The following ATF7IP variants were observed in gnomAD, a reference collection of about 807,000 sequenced individuals.
ATF7IP encodes activating transcription factor 7-interacting protein 1.
Under a neutral mutation model 106.4 loss-of-function variants are expected in ATF7IP, and 23 were observed. The ratio of observed to expected loss-of-function variants is 0.22; its 90% CI spans 0.16 to 0.31. The LOEUF (loss-of-function observed/expected upper bound fraction) is 0.31, where lower values mean the gene tolerates loss of function less well. ATF7IP is among the 10% of genes least tolerant of loss of function. The pLI, the probability that ATF7IP is intolerant of heterozygous loss-of-function variation, is 1.00. For synonymous variants in ATF7IP, 542 were observed against 539.0 expected (o/e 1.01, Z -0.08); for missense variants, 1,334 against 1,524.3 (o/e 0.88, Z 2.08).
At chr12:14,402,072 T>C (rs538498864) in intron 1 of ATF7IP, among the ~76,000 whole-genome samples, 4 of 151,764 alleles carry the variant, frequency 2.6e-5, no homozygotes, top group East Asian at 3.9e-4. Context: ...TTTCTTTTTT[T>C]TTTCTTTCTT....
At chr12:14,369,627 G>A (rs941269435) in intron 1 of ATF7IP, among the ~76,000 whole-genome samples, 2 of 152,164 alleles carry the variant, frequency 1.3e-5, no homozygotes. Context: ...GTGAACCACC[G>A]TGCACAGCCT....
intron 11 of ATF7IP, 52 bp from the exon 12 acceptor site, chr12:14,478,265 T>G: frequency 6.3e-7 from 1 of 1,580,982 alleles, no homozygotes; most frequent in South Asian, 1.1e-5. Context: ...GAAAGACTTG[T>G]ATTTCCTGAT....
Position 14,492,836 on chromosome 12 carries a change from G to A in ATF7IP, c.3281-3395G>A, listed in dbSNP as rs117464767. ...TTGTAGTTGAGTGACTGCAGTTCCC[G>A]CTGTTAGATCTGACATATAGAGTCG... On this transcript the variant is annotated intron_variant, in intron 13 of 14. Coordinates refer to ENST00000261168, the MANE Select transcript of ATF7IP (RefSeq NM_018179.5). Among the ~76,000 whole-genome samples, 378 of 152,080 alleles carry A rather than the reference G, an allele frequency of 2.5e-3. 2 individuals are homozygous for A. Among genetic ancestry groups the A allele is most frequent in the Non-Finnish European group, 3.8e-3 (258 of 68,004 alleles).
chr12:14,379,391 A>C (rs74782615), intron 1 of ATF7IP, among the ~76,000 whole-genome samples: 3,083 of 152,278 alleles, frequency 0.02, 33 homozygotes, highest in Middle Eastern at 0.031. Flanking sequence ...TAAACTTCTT[A>C]ATAAATTACC....
chr12:14,493,588 CT>C (rs1213460859), intron 13 of ATF7IP, among the ~76,000 whole-genome samples: 5 of 152,082 alleles, frequency 3.3e-5, no homozygotes, highest in Admixed American at 1.3e-4. Flanking sequence ...GCTGTTCTTT[CT>C]GGCAAAAAAG....
At chr12:14,420,686 G>C (rs1394727799) in intron 1 of ATF7IP, among the ~76,000 whole-genome samples, 2 of 152,170 alleles carry the variant, frequency 1.3e-5, no homozygotes, top group Non-Finnish European at 2.9e-5. Flanking sequence ...GGGGATGTTT[G>C]GAATTTTGTG....
chr12:14,425,083 A>T lies in ATF7IP; in HGVS notation c.1168A>T (p.Met390Leu). 3 of 1,592,672 alleles carry T rather than the reference A, an allele frequency of 1.9e-6. No individual in the cohort carries two copies. The highest frequency in any genetic ancestry group is 2.6e-6 in the Non-Finnish European group (3 of 1,174,410). The change falls in exon 2 of 15, where the codon ATG becomes TTG. Residue 390 changes from methionine to leucine, a missense_variant. By Grantham distance (15) the Met-to-Leu change is conservative (BLOSUM62 2). Around this residue, in one of 10 missense-constraint regions of ATF7IP, gnomAD observed 438 missense variants for 405.3 expected, o/e 1.08. Coordinates refer to ENST00000261168, the MANE Select transcript of ATF7IP (RefSeq NM_018179.5). ...ALGEDAISSSMEIDQGEKNED... is the reference protein window; with the variant it reads ...ALGEDAISSSLEIDQGEKNED... Reference sequence around the variant, plus strand: ...TGGAGAAGATGCTATATCTAGCAGTATGGAAATTGACCAAGGTGAAAAGAA... The same window carrying T: ...TGGAGAAGATGCTATATCTAGCAGTTTGGAAATTGACCAAGGTGAAAAGAA...
At chr12:14,405,362 T>C (rs1294880759) in intron 1 of ATF7IP, among the ~76,000 whole-genome samples, 1 of 149,576 alleles carries the variant, frequency 6.7e-6, no homozygotes, top group African/African-American at 2.4e-5. Flanking sequence ...TTGAATTTCC[T>C]CCATAATATG....
chr12:14,475,835 A>G, intron 10 of ATF7IP, 55 bp from the exon 11 acceptor site: 1 of 1,423,592 alleles, frequency 7.0e-7, no homozygotes, highest in Non-Finnish European at 9.7e-7. Flanking sequence ...CTCATTTTTT[A>G]ACACGTATAT....
chr12:14,411,848 A>G (rs1940936590), intron 1 of ATF7IP, among the ~76,000 whole-genome samples: 3 of 151,912 alleles, frequency 2.0e-5, no homozygotes, highest in Non-Finnish European at 2.9e-5. Flanking sequence ...GGTCATATCT[A>G]AGAAACCATT....
In ATF7IP at chr12:14,492,241, GTA is replaced by G. The variant is rs879611924; in HGVS notation, c.3281-3989_3281-3988del. ...TTAATTATCTGACCTCCATAAGCCT[GTA>G]CTTTAACTGGAGGACCACAATGATG... On this transcript the variant is annotated intron_variant, in intron 13 of 14. Coordinates refer to ENST00000261168, the MANE Select transcript of ATF7IP (RefSeq NM_018179.5). Among the ~76,000 whole-genome samples the G allele has an allele frequency of 8.6e-3, 1,304 of 152,326 alleles. 14 individuals carry two copies. The highest frequency in any genetic ancestry group is 0.062 in the Middle Eastern group (18 of 292).
rs1944319133 is a variant in ATF7IP at position 14,478,235 on chromosome 12, A to T, written c.2942-82A>T. 2.2e-6 allele frequency: 3 copies of T among 1,387,148 alleles called. No homozygotes were observed. In the East Asian group the frequency reaches 6.9e-5, roughly 32 times the overall value. The allele number at this position is 1,387,148 out of a possible 1,614,324, so 85.9% of individuals were successfully genotyped here. On this transcript the variant is annotated intron_variant, in intron 11 of 14. Coordinates refer to ENST00000261168, the MANE Select transcript of ATF7IP (RefSeq NM_018179.5). ...ATGTGACACACAAGTGGCAAGCAAA[A>T]GTAAAATTTGTCCATAGAGGAAAGA...
intron 13 of ATF7IP, among the ~76,000 whole-genome samples, chr12:14,493,210 T>G (rs1944888184): frequency 6.6e-6 from 1 of 152,168 alleles, no homozygotes; most frequent in Admixed American, 6.6e-5. Context: ...TGATCCAACT[T>G]TGTTCCTTCC....
chr12:14,433,847 T>C (rs1480478632), intron 2 of ATF7IP, among the ~76,000 whole-genome samples: 1 of 152,208 alleles, frequency 6.6e-6, no homozygotes, highest in Non-Finnish European at 1.5e-5. Context: ...GTTTTTATTA[T>C]ATTTGGGATA....
intron 1 of ATF7IP, among the ~76,000 whole-genome samples, chr12:14,421,456 G>T (rs1363708498): frequency 6.6e-6 from 1 of 152,168 alleles, no homozygotes; most frequent in Non-Finnish European, 1.5e-5. Flanking sequence ...GGAAGGATCT[G>T]TTCCAGGCCT....
At chr12:14,399,832 A>AT (rs1388023503) in intron 1 of ATF7IP, among the ~76,000 whole-genome samples, 17 of 152,000 alleles carry the variant, frequency 1.1e-4, no homozygotes, top group African/African-American at 3.9e-4. Flanking sequence ...GAATTCTTGA[A>AT]TGTATTCATT....
At chr12:14,468,586 T>C (rs1439846730) in intron 10 of ATF7IP, among the ~76,000 whole-genome samples, 1 of 152,020 alleles carries the variant, frequency 6.6e-6, no homozygotes, top group African/African-American at 2.4e-5. Flanking sequence ...AATAGATATT[T>C]TATTTGGCTT....
chr12:14,463,714 G>A (rs1312667614), intron 9 of ATF7IP, among the ~76,000 whole-genome samples: 1 of 152,168 alleles, frequency 6.6e-6, no homozygotes, highest in Non-Finnish European at 1.5e-5. Context: ...TAGGAATAGT[G>A]TTAGGAAGAC....
intron 13 of ATF7IP, chr12:14,481,455 T>TATCA: frequency 3.0e-6 from 1 of 337,862 alleles, no homozygotes; most frequent in Non-Finnish European, 4.9e-6. Context: ...ATCATGCATA[T>TATCA]GTCAGCTAGA....
Sources: gnomAD v4.1 joint callset for allele counts (sites outside exome capture counted in the v4.1 genomes callset) on GRCh38, gnomAD v4.1.1 for gene constraint, gnomAD v4.1.1 regional missense constraint, MANE v1.5 for transcripts, NCBI Gene and HGNC (gene_info 2026-07-23, HGNC 2026-07-21) for gene names.